WWOX: variants seen among roughly 807,000 people sequenced by gnomAD.
The protein encoded by WWOX is WW domain containing oxidoreductase.
A neutral mutation model predicts 46.2 loss-of-function variants in WWOX; 69 were observed. The observed-to-expected ratio is 1.49, with a 90% confidence interval of 1.23 to 1.82. The LOEUF (loss-of-function observed/expected upper bound fraction) is 1.82, where lower values mean the gene tolerates loss of function less well. Ranked by LOEUF, WWOX falls within the 40% of genes most tolerant of loss-of-function variation. WWOX has a pLI of 0.00. For synonymous variants in WWOX, 359 were observed against 202.6 expected (o/e 1.77, Z -6.56); for missense variants, 919 against 542.6 (o/e 1.69, Z -6.89).
intron 8 of WWOX, among the ~76,000 whole-genome samples, chr16:78,538,209 C>T (rs1056409662): frequency 2.0e-5 from 2 of 102,188 alleles, no homozygotes; most frequent in African/African-American, 7.5e-5. Context: ...ATTAAGCTAT[C>T]ACTCACACCA....
chr16:79,179,709 A>G (rs1392261038), intron 8 of WWOX, among the ~76,000 whole-genome samples: 1 of 152,176 alleles, frequency 6.6e-6, no homozygotes. Context: ...TTAGTTGGGT[A>G]TGGCCAGGCT....
intron 8 of WWOX, among the ~76,000 whole-genome samples, chr16:78,985,276 A>G (rs2046762495): frequency 1.3e-5 from 2 of 152,206 alleles, no homozygotes; most frequent in Admixed American, 1.3e-4. Flanking sequence ...ACTCTGTCAC[A>G]GTGCATTATG....
At chr16:78,175,407 A>G (rs968549546) in intron 5 of WWOX, among the ~76,000 whole-genome samples, 4 of 152,198 alleles carry the variant, frequency 2.6e-5, no homozygotes, top group African/African-American at 4.8e-5. Flanking sequence ...CTCTTGGAAT[A>G]TGGGCTGTAC....
chr16:79,117,057 T>G (rs528286140), intron 8 of WWOX, among the ~76,000 whole-genome samples: 1 of 149,988 alleles, frequency 6.7e-6, no homozygotes, highest in African/African-American at 2.4e-5. Flanking sequence ...ATTTTTTTTA[T>G]TGTTATTGTT....
chr16:78,923,956 C>G (rs141621718), intron 8 of WWOX, among the ~76,000 whole-genome samples: 13 of 151,908 alleles, frequency 8.6e-5, no homozygotes, highest in African/African-American at 3.1e-4. Flanking sequence ...CCCGCCACCA[C>G]GCCTGGCTAA....
chr16:79,068,912 G>A (rs1326604270), intron 8 of WWOX, among the ~76,000 whole-genome samples: 4 of 151,870 alleles, frequency 2.6e-5, no homozygotes, highest in African/African-American at 4.8e-5. Flanking sequence ...GTGGTTCCTT[G>A]GGTCTGATGC....
chr16:78,596,117 G>A (rs979355120), intron 8 of WWOX, among the ~76,000 whole-genome samples: 3 of 152,028 alleles, frequency 2.0e-5, no homozygotes, highest in African/African-American at 7.3e-5. Context: ...ATTATACATG[G>A]TAGGACTTAT....
intron 8 of WWOX, among the ~76,000 whole-genome samples, chr16:78,855,148 A>G (rs1009705639): frequency 1.3e-5 from 2 of 152,156 alleles, no homozygotes; most frequent in Admixed American, 6.5e-5. Flanking sequence ...TTAATTTACA[A>G]TTTGAAAGGT....
chr16:78,863,011 T>A (rs2043924872), intron 8 of WWOX, among the ~76,000 whole-genome samples: 1 of 145,454 alleles, frequency 6.9e-6, no homozygotes, highest in Non-Finnish European at 1.5e-5. Context: ...CAGGGTGGAG[T>A]GCAGTGGTGC....
chr16:78,461,601 T>C (rs1597118008), intron 8 of WWOX, among the ~76,000 whole-genome samples: 1 of 152,228 alleles, frequency 6.6e-6, no homozygotes, highest in Non-Finnish European at 1.5e-5. Flanking sequence ...GCTGCTGTTA[T>C]TTCAGTGCAA....
At chr16:78,332,022 C>G (rs138759012) in intron 5 of WWOX, among the ~76,000 whole-genome samples, 29 of 152,284 alleles carry the variant, frequency 1.9e-4, no homozygotes, top group African/African-American at 7.0e-4. Flanking sequence ...GTTTGGAACG[C>G]CATTTAGCTG....
At chr16:78,770,197 A>T (rs985507980) in intron 8 of WWOX, among the ~76,000 whole-genome samples, 1 of 152,048 alleles carries the variant, frequency 6.6e-6, no homozygotes, top group African/African-American at 2.4e-5. Flanking sequence ...CTAAAAATAC[A>T]AAAGTGAGTC....
intron 8 of WWOX, among the ~76,000 whole-genome samples, chr16:78,894,686 G>A (rs192311485): frequency 2.0e-5 from 3 of 152,280 alleles, no homozygotes; most frequent in East Asian, 3.9e-4. Flanking sequence ...GAGAGAGGCT[G>A]TGGAAACAAT....
At chr16:79,171,779 G>A (rs1261865828) in intron 8 of WWOX, among the ~76,000 whole-genome samples, 1 of 151,774 alleles carries the variant, frequency 6.6e-6, no homozygotes, top group East Asian at 1.9e-4. Flanking sequence ...CTTATTTTTT[G>A]TTTGTTTTGT....
At position 79,112,529 on chromosome 16, in the gene WWOX, T is replaced by C. The variant is rs185341165; in HGVS notation, c.1057-99079T>C. Among the ~76,000 whole-genome samples the C allele has an allele frequency of 2.8e-4, 42 of 152,294 alleles. 1 individual carries two copies. Among genetic ancestry groups the C allele is most frequent in the Non-Finnish European group, 5.9e-5 (4 of 68,022 alleles). On this transcript the variant is annotated intron_variant, in intron 8 of 8. Coordinates refer to ENST00000566780, the MANE Select transcript of WWOX (RefSeq NM_016373.4). ...GCGAGTTCTTCAACAAATACTCTTC[T>C]AAACCAACATCCCCGGCAAACGGGA...
chr16:78,871,093 T>A (rs181663545), intron 8 of WWOX, among the ~76,000 whole-genome samples: 1 of 152,190 alleles, frequency 6.6e-6, no homozygotes, highest in South Asian at 2.1e-4. Flanking sequence ...AGCAATTCAG[T>A]AAATACTTGT....
At chr16:78,411,065 C>T (rs192405805) in intron 6 of WWOX, among the ~76,000 whole-genome samples, 1 of 152,110 alleles carries the variant, frequency 6.6e-6, no homozygotes, top group Non-Finnish European at 1.5e-5. Flanking sequence ...AGGAGTGATA[C>T]AGAAGCCAGC....
chr16:78,354,345 G>A (rs1295693126), intron 5 of WWOX, among the ~76,000 whole-genome samples: 1 of 122,920 alleles, frequency 8.1e-6, no homozygotes, highest in Non-Finnish European at 1.7e-5. Context: ...GTGTAGGTAT[G>A]TGACTGAAAC....
intron 4 of WWOX, chr16:78,123,435 GTTTTGTTTTT>G (rs2033196220): frequency 2.1e-5 from 1 of 48,722 alleles, no homozygotes; most frequent in Admixed American, 2.6e-4. Context: ...TTTGTTTTTT[GTTTTGTTTTT>G]TTTTTTTTTG....
Sources: gnomAD v4.1 joint callset for allele counts (sites outside exome capture counted in the v4.1 genomes callset) on GRCh38, gnomAD v4.1.1 for gene constraint, MANE v1.5 for transcripts, NCBI Gene and HGNC (gene_info 2026-07-23, HGNC 2026-07-21) for gene names.